DUS4L: variants seen among roughly 807,000 people sequenced by gnomAD.
The protein encoded by DUS4L is tRNA-dihydrouridine(20a/20b) synthase [NAD(P)+]-like.
Under a neutral mutation model 33.8 loss-of-function variants are expected in DUS4L, and 31 were observed. That is an observed-to-expected ratio of 0.92 (90% confidence interval 0.69 to 1.24). The LOEUF is 1.24. Among genes scored for constraint, DUS4L ranks in the 50% most tolerant of loss-of-function variants. The pLI, the probability that DUS4L is intolerant of heterozygous loss-of-function variation, is 0.00. For missense variants in DUS4L, 368 were observed against 388.6 expected, an observed-to-expected ratio of 0.95 and a Z score of 0.45; for synonymous variants, 103 against 120.3, an observed-to-expected ratio of 0.86 and a Z score of 0.94.
chr7:107,577,138 C>T (rs1563117672), intron 7 of DUS4L, 175 bp from the exon 8 acceptor site: 1 of 878,924 alleles, frequency 1.1e-6, no homozygotes, highest in Non-Finnish European at 1.6e-6. Context: ...TCCTGGTTTA[C>T]AAAAGGTACC....
Position 107,577,675 on chromosome 7 carries a change from T to C in DUS4L, c.*115T>C. 1 of 1,215,466 alleles carries C rather than the reference T, an allele frequency of 8.2e-7. No individual in the cohort carries two copies. The highest frequency in any genetic ancestry group is 1.1e-6 in the Non-Finnish European group (1 of 894,094). The allele number at this position is 1,215,466 out of a possible 1,614,324, so 75.3% of individuals were successfully genotyped here. A position where few individuals can be genotyped will look rare whatever the true frequency, so the allele number is the denominator to read the frequency against. ...CAAATTTTAGTATAAAAACAATTCC[T>C]GGGAGCGTTTTTTAAAAATCAGTTG... On this transcript the variant is annotated 3_prime_UTR_variant, in exon 8 of 8. Transcript: ENST00000265720.
At chr7:107,569,484 T>G (rs1375748740) in intron 3 of DUS4L, among the ~76,000 whole-genome samples, 2 of 152,228 alleles carry the variant, frequency 1.3e-5, no homozygotes, top group Non-Finnish European at 2.9e-5. Context: ...CCTGCTGGAA[T>G]TTTCATAAGA....
intron 6 of DUS4L, 99 bp downstream of exon 6, chr7:107,575,409 A>G: frequency 7.6e-7 from 1 of 1,321,376 alleles, no homozygotes; most frequent in Non-Finnish European, 1.0e-6. Context: ...TCTATCCTAA[A>G]TAAATTGGTA....
intron 3 of DUS4L, among the ~76,000 whole-genome samples, chr7:107,569,807 TG>T (rs1451644545): frequency 6.6e-6 from 1 of 152,248 alleles, no homozygotes. Context: ...CTAGTTTTTT[TG>T]TAAATTCCTT....
In DUS4L at chr7:107,571,282, T is replaced by A. The variant is rs200673623; in HGVS notation, c.238+16T>A. On this transcript the variant is annotated intron_variant, in intron 4 of 7. Transcript: ENST00000265720. ...ACAAATCAAGGTATGTGAAACCGAGTGTACTGACTTTGTAAAACTTTTTAA... is the reference window on the plus strand; with the variant it reads ...ACAAATCAAGGTATGTGAAACCGAGAGTACTGACTTTGTAAAACTTTTTAA... 229 of 1,591,490 alleles carry A rather than the reference T, an allele frequency of 1.4e-4. No homozygotes were observed. Among genetic ancestry groups the A allele is most frequent in the Non-Finnish European group, 1.6e-4 (184 of 1,174,000 alleles).
chr7:107,578,118 A>G lies in DUS4L; in HGVS notation c.*558A>G, dbSNP rs917224488. On this transcript the variant is annotated 3_prime_UTR_variant, in exon 8 of 8. Coordinates refer to ENST00000265720, the MANE Select transcript of DUS4L (RefSeq NM_181581.3). ...CATTTCAAAACTTCTAGGTCCTCCA[A>G]AGATTGAAAGCTTAATAATCTCCTA... 2.6e-5 allele frequency: 4 copies of G among 152,188 alleles called. No individual in the cohort carries two copies. Among genetic ancestry groups the G allele is most frequent in the African/African-American group, 9.7e-5 (4 of 41,440 alleles). The allele number at this position is 152,188 out of a possible 1,614,324, so 9.4% of individuals were successfully genotyped here.
rs1805197392 is a variant in DUS4L at position 107,571,177 on chromosome 7, G to A, written c.149G>A (p.Ser50Asn). 1.7e-5 allele frequency: 27 copies of A among 1,613,510 alleles called. No homozygotes were observed. The highest frequency in any genetic ancestry group is 2.2e-5 in the Non-Finnish European group (26 of 1,179,868). The change falls in exon 4 of 8, where the codon AGT (serine) becomes AAT (asparagine). Residue 50 changes from serine (S) to asparagine (N), a missense_variant. Ser to Asn is a conservative substitution (Grantham distance 46). Transcript: ENST00000265720. The part of the protein sequence containing the change: ...LAFRTLVRKY[S>N]CDLCYTPMIV... Reference sequence around the variant, plus strand: ...TTTAGGACACTAGTAAGAAAATATAGTTGTGATCTGTGTTACACACCAATG... The same window carrying A: ...TTTAGGACACTAGTAAGAAAATATAATTGTGATCTGTGTTACACACCAATG...
chr7:107,567,032 G>A lies in DUS4L; in HGVS notation c.-21-18G>A, dbSNP rs773862728. On this transcript the variant is annotated intron_variant, in intron 2 of 7. Transcript: ENST00000265720. ...GTGAAAACATATTTTCTCTATACAA[G>A]CTTATTGTCTTTTTCAGATTTGAAA... 3.9e-6 allele frequency: 6 copies of A among 1,526,674 alleles called. No homozygotes were observed. The East Asian group carries it at 9.0e-5, about 23-fold the overall frequency. 94.6% of individuals were successfully genotyped at this position (1,526,674 alleles called of 1,614,324 possible).
chr7:107,571,020 A>G, intron 3 of DUS4L, 125 bp from the exon 4 acceptor site: 1 of 1,253,512 alleles, frequency 8.0e-7, no homozygotes, highest in Admixed American at 2.4e-5. Context: ...AACAGGAATA[A>G]TAGGGAAAAG....
intron 3 of DUS4L, among the ~76,000 whole-genome samples, chr7:107,569,508 T>A (rs759656683): frequency 1.3e-5 from 2 of 152,242 alleles, no homozygotes; most frequent in Non-Finnish European, 2.9e-5. Context: ...GTGTGAAACC[T>A]ATACCTCAAC....
chr7:107,575,410 T>C, intron 6 of DUS4L, 100 bp downstream of exon 6: 2 of 1,322,390 alleles, frequency 1.5e-6, no homozygotes, highest in Non-Finnish European at 2.1e-6. Context: ...CTATCCTAAA[T>C]AAATTGGTAG....
In DUS4L at chr7:107,576,515, C is replaced by T; in HGVS notation, c.629C>T (p.Ser210Phe). The T allele has an allele frequency of 6.2e-7, 1 of 1,608,230 alleles. No individual in the cohort carries two copies. ...ATTAAAATAATTAAGGAAAATATGT[C>T]TATACCTGTAATTGCTAATGGAGAC... ...DSIKIIKENMSIPVIANGDIR... is the reference protein window; with the variant it reads ...DSIKIIKENMFIPVIANGDIR... Residue 210 changes from serine (S) to phenylalanine (F), a missense_variant, in exon 7 of 8, where the codon TCT becomes TTT. By Grantham distance (155) the Ser-to-Phe change is radical. Coordinates refer to ENST00000265720, the MANE Select transcript of DUS4L (RefSeq NM_181581.3).
intron 5 of DUS4L, chr7:107,574,850 T>C: frequency 3.1e-6 from 1 of 324,776 alleles, no homozygotes; most frequent in South Asian, 2.7e-5. Context: ...TAATAAAACC[T>C]CTTGTTATGC....
intron 4 of DUS4L, among the ~76,000 whole-genome samples, chr7:107,572,077 T>A (rs1003604153): frequency 6.6e-6 from 1 of 152,090 alleles, no homozygotes; most frequent in Non-Finnish European, 1.5e-5. Flanking sequence ...CAGGCTCTTA[T>A]GTTGCACTTA....
intron 3 of DUS4L, chr7:107,570,137 T>C (rs1805073452): frequency 1.3e-5 from 2 of 152,056 alleles, no homozygotes; most frequent in Admixed American, 1.3e-4. Flanking sequence ...TATATGATCA[T>C]GTGATTTTTA....
chr7:107,569,814 T>C (rs1356702558), intron 3 of DUS4L, among the ~76,000 whole-genome samples: 1 of 152,230 alleles, frequency 6.6e-6, no homozygotes, highest in African/African-American at 2.4e-5. Flanking sequence ...TTTTGTAAAT[T>C]CCTTCAGAGT....
chr7:107,573,725 A>C lies in DUS4L; in HGVS notation c.260A>C (p.Gln87Pro). ...TCAGGTGATTGCCCATTGATTGTTC[A>C]GTTTGCTGCTAACGATGCAAGACTT... is the stretch of plus-strand genomic sequence containing the variant. ...TNQGDCPLIV[Q>P]FAANDARLLS... Residue 87 changes from glutamine (Q) to proline (P), a missense_variant, in exon 5 of 8, where the codon CAG becomes CCG. Physicochemically the swap from Gln to Pro is moderately conservative, Grantham distance 76 (BLOSUM62 -1). Transcript: ENST00000265720. The C allele has an allele frequency of 6.2e-7, 1 of 1,609,374 alleles. No individual in the cohort carries two copies.
intron 4 of DUS4L, among the ~76,000 whole-genome samples, chr7:107,572,913 A>G (rs1306277628): frequency 2.0e-5 from 3 of 152,164 alleles, no homozygotes; most frequent in African/African-American, 7.2e-5. Flanking sequence ...ACTGAGGAGA[A>G]TATTTATAAC....
chr7:107,577,735 T>A lies in DUS4L; in HGVS notation c.*175T>A. On this transcript the variant is annotated 3_prime_UTR_variant, in exon 8 of 8. Transcript: ENST00000265720. Reference sequence around the variant, plus strand: ...CCCTCAGAGATTCTGATTAGGTAGATCTGGAGTAGACCCAGAAATACACAG... The same window carrying A: ...CCCTCAGAGATTCTGATTAGGTAGAACTGGAGTAGACCCAGAAATACACAG... 1 of 608,278 alleles carries A rather than the reference T, an allele frequency of 1.6e-6. No homozygotes were observed. Among genetic ancestry groups the A allele is most frequent in the Non-Finnish European group, 2.7e-6 (1 of 364,572 alleles). The allele number at this position is 608,278 out of a possible 1,614,324, so 37.7% of individuals were successfully genotyped here.
Sources: gnomAD v4.1 joint callset for allele counts (sites outside exome capture counted in the v4.1 genomes callset) on GRCh38, gnomAD v4.1.1 for gene constraint, MANE v1.5 for transcripts, NCBI Gene and HGNC (gene_info 2026-07-23, HGNC 2026-07-21) for gene names.